The following CCNE1 variants were observed in gnomAD, a reference collection of about 807,000 sequenced individuals.
CCNE1 encodes the protein cyclin E1, also known as G1/S-specific cyclin-E1.
In CCNE1, 8 loss-of-function variants were observed where a neutral mutation model predicts 54.1. The observed-to-expected ratio is 0.15, with a 90% CI of 0.09 to 0.27. The LOEUF (loss-of-function observed/expected upper bound fraction) is 0.27. Ranked by LOEUF, CCNE1 falls within the 10% of genes least tolerant of loss-of-function variation. CCNE1 has a pLI of 1.00. For missense variants in CCNE1, 430 were observed against 514.9 expected, an observed-to-expected ratio of 0.84 and a Z score of 1.60; for synonymous variants, 179 against 185.2, an observed-to-expected ratio of 0.97 and a Z score of 0.27.
Position 29,822,550 on chromosome 19 carries a change from G to A in CCNE1, c.1057G>A (p.Ala353Thr), listed in dbSNP as rs1225502237. 9 of 1,613,934 alleles carry A rather than the reference G, an allele frequency of 5.6e-6. No homozygotes were observed. The highest frequency in any genetic ancestry group is 2.7e-5 in the African/African-American group (2 of 74,908). Residue 353 changes from alanine to threonine, a missense_variant, in exon 11 of 12, where the codon GCT becomes ACT. Around this residue, in one of 2 missense-constraint regions of CCNE1, gnomAD observed 303 missense variants for 401.1 expected, o/e 0.76. Transcript: ENST00000262643. ...AAAACTGAAGCACTTCAGGGGCGTCGCTGATGAAGATGCACACAACATACA... is the reference window on the plus strand; with the variant it reads ...AAAACTGAAGCACTTCAGGGGCGTCACTGATGAAGATGCACACAACATACA... ...SSKLKHFRGV[A>T]DEDAHNIQTH...
rs578227778 is a variant in CCNE1 at position 29,812,730 on chromosome 19, C to T, written c.65C>T (p.Ala22Val). 5.6e-6 allele frequency: 9 copies of T among 1,595,044 alleles called. No individual in the cohort carries two copies. Among genetic ancestry groups the T allele is most frequent in the Admixed American group, 1.8e-5 (1 of 55,460 alleles). Residue 22 changes from alanine to valine, a missense_variant, in exon 3 of 12, where the codon GCG becomes GTG. By Grantham distance (64) the Ala-to-Val change is moderately conservative (BLOSUM62 0). Around this residue, in one of 2 missense-constraint regions of CCNE1, gnomAD observed 127 missense variants for 113.8 expected, o/e 1.12. Coordinates refer to ENST00000262643, the MANE Select transcript of CCNE1 (RefSeq NM_001238.4). Reference protein sequence around the residue: ...ERDTMKEDGGAEFSARSRKRK... With the variant: ...ERDTMKEDGGVEFSARSRKRK... Reference sequence around the variant, plus strand: ...GACACCATGAAGGAGGACGGCGGCGCGGAGTTCTCGGCTCGCTCCAGGAAG... The same window carrying T: ...GACACCATGAAGGAGGACGGCGGCGTGGAGTTCTCGGCTCGCTCCAGGAAG...
chr19:29,820,514 A>G (rs1974122389), intron 6 of CCNE1, among the ~76,000 whole-genome samples, 188 bp from the exon 7 acceptor site: 1 of 151,924 alleles, frequency 6.6e-6, no homozygotes. Flanking sequence ...TCACAACACT[A>G]CTTTCCAGAC....
intron 5 of CCNE1, 50 bp downstream of exon 5, chr19:29,817,332 C>G (rs1974045309): frequency 6.2e-7 from 1 of 1,613,282 alleles, no homozygotes; most frequent in Admixed American, 1.7e-5. Flanking sequence ...CTCCATGCTC[C>G]CCTTTATCCC....
At chr19:29,814,148 A>T (rs930539865) in intron 4 of CCNE1, among the ~76,000 whole-genome samples, 2 of 151,914 alleles carry the variant, frequency 1.3e-5, no homozygotes, top group Non-Finnish European at 2.9e-5. Context: ...CAAAGAAATC[A>T]TTTCAGAGAC....
intron 4 of CCNE1, 127 bp downstream of exon 4, chr19:29,813,164 C>A: frequency 1.3e-6 from 1 of 792,506 alleles, no homozygotes; most frequent in South Asian, 1.6e-5. Context: ...GCAGCCACAG[C>A]CCATATGGCC....
chr19:29,816,584 C>G (rs901124280), intron 4 of CCNE1, among the ~76,000 whole-genome samples: 5 of 152,026 alleles, frequency 3.3e-5, no homozygotes, highest in African/African-American at 9.7e-5. Context: ...AAGAAAAAGT[C>G]CTTTATTATT....
chr19:29,815,774 G>A (rs573100419), intron 4 of CCNE1, among the ~76,000 whole-genome samples: 15 of 151,160 alleles, frequency 9.9e-5, no homozygotes, highest in Admixed American at 8.6e-4. Context: ...GATTACAGGC[G>A]CCCGCTACCA....
chr19:29,820,419 C>T (rs1211798065), intron 6 of CCNE1, among the ~76,000 whole-genome samples: 8 of 152,000 alleles, frequency 5.3e-5, no homozygotes, highest in Non-Finnish European at 8.8e-5. Flanking sequence ...GGCATGGTGG[C>T]GGGTGCTGGT....
rs991552541 is a variant in CCNE1 at position 29,822,068 on chromosome 19, A to G, written c.778A>G (p.Asn260Asp). The change falls in exon 9 of 12, where the codon AAT becomes GAT. Residue 260 changes from asparagine (N) to aspartate (D), a missense_variant. This residue lies in a region of CCNE1 where 303 missense variants were observed against 401.1 expected (regional missense o/e 0.76). Transcript: ENST00000262643. ...LNVYMQVAYL[N>D]DLHEVLLPQY... ...TGTATACATGCAGGTTGCATATCTA[A>G]ATGACTTACATGAAGTGCTACTGCC... The G allele has an allele frequency of 6.2e-7, 1 of 1,613,932 alleles. No homozygotes were observed. The highest frequency in any genetic ancestry group is 1.7e-5 in the Admixed American group (1 of 59,996).
At position 29,813,049 on chromosome 19, in the gene CCNE1, C is replaced by G. The variant is rs779222571; in HGVS notation, c.180+12C>G. 7.4e-6 allele frequency: 12 copies of G among 1,613,676 alleles called. No homozygotes were observed. Among genetic ancestry groups the G allele is most frequent in the South Asian group, 1.1e-5 (1 of 91,066 alleles). ...AGTGTGGGAGCCAGGTAGGTCCGCC[C>G]GGGGTTGGGCCTCTGTGGAGGTCCT... On this transcript the variant is annotated intron_variant, in intron 4 of 11. Coordinates refer to ENST00000262643, the MANE Select transcript of CCNE1 (RefSeq NM_001238.4).
In CCNE1 at chr19:29,822,271, G is replaced by C. The variant is rs763943099; in HGVS notation, c.872G>C (p.Cys291Ser). ...GATCTCTGTGTCCTGGATGTTGACT[G>C]CCTTGAATTTCCTTATGGTATACTT... ...LLDLCVLDVD[C>S]LEFPYGILAA... The change falls in exon 10 of 12, where the codon TGC becomes TCC. Residue 291 changes from cysteine to serine, a missense_variant. By Grantham distance (112) the Cys-to-Ser change is moderately radical. Transcript: ENST00000262643. 6.2e-7 allele frequency: 1 copy of C among 1,614,026 alleles called. No homozygotes were observed. Among genetic ancestry groups the C allele is most frequent in the East Asian group, 2.2e-5 (1 of 44,884 alleles).
At chr19:29,812,417 C>A in intron 1 of CCNE1, 115 bp from the exon 2 acceptor site, 1 of 651,650 alleles carries the variant, frequency 1.5e-6, no homozygotes, top group Non-Finnish European at 2.1e-6. Context: ...GGGTGACAGG[C>A]CACCCCGCCA....
chr19:29,818,516 G>A (rs10422285), intron 6 of CCNE1, among the ~76,000 whole-genome samples: 56,004 of 152,082 alleles, frequency 0.37, 11,433 homozygotes, highest in East Asian at 0.62. Flanking sequence ...TATAGCTACT[G>A]TCATAAATTG....
chr19:29,816,254 A>G (rs903018085), intron 4 of CCNE1, among the ~76,000 whole-genome samples: 1 of 151,868 alleles, frequency 6.6e-6, no homozygotes, highest in Admixed American at 6.6e-5. Context: ...TTACTATTTT[A>G]TAACTTTAAA....
At chr19:29,813,164 C>T (rs1050638700) in intron 4 of CCNE1, 127 bp downstream of exon 4, 6 of 792,390 alleles carry the variant, frequency 7.6e-6, no homozygotes, top group Non-Finnish European at 1.3e-5. Context: ...GCAGCCACAG[C>T]CCATATGGCC....
intron 6 of CCNE1, among the ~76,000 whole-genome samples, chr19:29,819,630 C>T (rs1163345021): frequency 6.6e-6 from 1 of 152,152 alleles, no homozygotes; most frequent in African/African-American, 2.4e-5. Context: ...AACAGTTAAT[C>T]AAAAGAACAA....
In CCNE1 at chr19:29,823,828, C is replaced by G; in HGVS notation, c.*51C>G. 1 of 1,548,606 alleles carries G rather than the reference C, an allele frequency of 6.5e-7. No individual in the cohort carries two copies. Among genetic ancestry groups the G allele is most frequent in the Non-Finnish European group, 8.7e-7 (1 of 1,144,274 alleles). On this transcript the variant is annotated 3_prime_UTR_variant, in exon 12 of 12. Coordinates refer to ENST00000262643, the MANE Select transcript of CCNE1 (RefSeq NM_001238.4). ...CAGTTGCGCGCCTGCTCCACGTTCT[C>G]TTCTGTCTGTTGCAGCGGAGGCGTG...
rs750796728 is a variant in CCNE1, at chr19:29,817,445, C to T, written c.366C>T (p.Asn122=). 1 of 1,614,042 alleles carries T rather than the reference C, an allele frequency of 6.2e-7. No individual in the cohort carries two copies. Residue 122 remains asparagine (N), a synonymous_variant, in exon 6 of 12, where the codon AAC becomes AAT. Transcript: ENST00000262643. ...NREEVWKIML[N]KEKTYLRDQH... is the part of the protein sequence containing the mutation. ...AGGAAGTCTGGAAAATCATGTTAAACAAGGAAAAGACATACTTAAGGGATC... is the reference window on the plus strand; with the variant it reads ...AGGAAGTCTGGAAAATCATGTTAAATAAGGAAAAGACATACTTAAGGGATC...
Position 29,813,023 on chromosome 19 carries a change from C to T in CCNE1, c.166C>T (p.Gln56Ter), listed in dbSNP as rs1363796932. 1 of 1,614,128 alleles carries T rather than the reference C, an allele frequency of 6.2e-7. No individual in the cohort carries two copies. Among genetic ancestry groups the T allele is most frequent in the Non-Finnish European group, 8.5e-7 (1 of 1,180,006 alleles). The change falls in exon 4 of 12, where the codon CAG (glutamine) becomes TAG (stop). Residue 56 changes from glutamine to a stop codon, truncating the protein, a stop_gained. Coordinates refer to ENST00000262643, the MANE Select transcript of CCNE1 (RefSeq NM_001238.4). LOFTEE classifies it high-confidence loss of function. ...CAAAATCGACAGGACGGCGAGGGACCAGTGTGGGAGCCAGGTAGGTCCGCC... is the reference window on the plus strand; with the variant it reads ...CAAAATCGACAGGACGGCGAGGGACTAGTGTGGGAGCCAGGTAGGTCCGCC... Reference protein sequence around the residue: ...MAKIDRTARDQCGSQPWDNNA... With the variant: ...MAKIDRTARD
Sources: allele counts gnomAD v4.1 joint callset (sites outside exome capture counted in the v4.1 genomes callset), GRCh38; gene constraint gnomAD v4.1.1; regional missense constraint gnomAD v4.1.1; transcripts MANE v1.5; gene names NCBI Gene and HGNC (gene_info 2026-07-23, HGNC 2026-07-21).